ADAM32: variants seen among roughly 807,000 people sequenced by gnomAD.
The protein encoded by ADAM32 is ADAM metallopeptidase domain 32.
ADAM32 carries 89 observed loss-of-function variants against 114.9 expected under a neutral mutation model. That is an observed-to-expected ratio of 0.77 (90% CI 0.65 to 0.92). The LOEUF (loss-of-function observed/expected upper bound fraction) is 0.92, where lower values mean the gene tolerates loss of function less well. ADAM32 is among the 40% of genes least tolerant of loss of function. The pLI, the probability that ADAM32 is intolerant of heterozygous loss-of-function variation, is 0.00. For synonymous variants in ADAM32, 285 were observed against 307.5 expected (o/e 0.93, Z 0.77); for missense variants, 870 against 932.8 (o/e 0.93, Z 0.88).
At chr8:39,229,801 A>G (rs571160397) in intron 14 of ADAM32, among the ~76,000 whole-genome samples, 26 of 152,314 alleles carry the variant, frequency 1.7e-4, no homozygotes, top group African/African-American at 6.0e-4. Flanking sequence ...CGAGACAGAA[A>G]GTCAACAAGC....
chr8:39,241,924 C>T (rs1055653905), intron 16 of ADAM32, among the ~76,000 whole-genome samples: 12 of 152,202 alleles, frequency 7.9e-5, no homozygotes, highest in Admixed American at 3.3e-4. Context: ...TGCAAGTTTT[C>T]CAAACTTTTG....
intron 17 of ADAM32, among the ~76,000 whole-genome samples, chr8:39,249,971 T>C (rs745894672): frequency 2.6e-5 from 4 of 152,276 alleles, no homozygotes; most frequent in Admixed American, 2.0e-4. Context: ...TCTATAGATA[T>C]GGTATTTTCT....
At chr8:39,198,189 T>G (rs925906039) in intron 11 of ADAM32, among the ~76,000 whole-genome samples, 1 of 152,074 alleles carries the variant, frequency 6.6e-6, no homozygotes, top group Non-Finnish European at 1.5e-5. Flanking sequence ...ATTCCTTCAC[T>G]TTTGGTCTAC....
chr8:39,155,335 A>G (rs886577610), intron 6 of ADAM32, among the ~76,000 whole-genome samples: 6 of 152,332 alleles, frequency 3.9e-5, no homozygotes, highest in South Asian at 2.1e-4. Flanking sequence ...ATTTATGGTA[A>G]TCTGTGTCAA....
intron 7 of ADAM32, among the ~76,000 whole-genome samples, chr8:39,162,808 C>T (rs1012579480): frequency 6.6e-6 from 1 of 152,090 alleles, no homozygotes; most frequent in African/African-American, 2.4e-5. Flanking sequence ...CCAGACCAGC[C>T]TGGCCAACAT....
chr8:39,213,686 ACT>A (rs1331399289), intron 12 of ADAM32, among the ~76,000 whole-genome samples: 5 of 152,012 alleles, frequency 3.3e-5, no homozygotes, highest in Non-Finnish European at 7.4e-5. Context: ...ATCCAATTAT[ACT>A]CTTTTACTCA....
At chr8:39,125,180 T>C (rs1802038464) in intron 2 of ADAM32, among the ~76,000 whole-genome samples, 1 of 152,246 alleles carries the variant, frequency 6.6e-6, no homozygotes, top group African/African-American at 2.4e-5. Flanking sequence ...CTTCGCCCAA[T>C]TTTTAATGGA....
intron 18 of ADAM32, 75 bp downstream of exon 18, chr8:39,254,591 T>C: frequency 8.5e-7 from 1 of 1,180,246 alleles, no homozygotes; most frequent in Non-Finnish European, 1.2e-6. Context: ...CAAAGTTCGA[T>C]TTTTCCACTT....
chr8:39,236,320 A>T (rs928146164), intron 16 of ADAM32, among the ~76,000 whole-genome samples: 1 of 152,128 alleles, frequency 6.6e-6, no homozygotes, highest in Admixed American at 6.5e-5. Flanking sequence ...TGTATGTGCA[A>T]TTAATACAAG....
intron 22 of ADAM32, 68 bp downstream of exon 22, chr8:39,275,934 A>G (rs970094365): frequency 5.8e-6 from 8 of 1,371,156 alleles, no homozygotes; most frequent in Non-Finnish European, 7.0e-6. Flanking sequence ...GAACAAATTG[A>G]TAATTAACAA....
chr8:39,166,063 A>C (rs918788254), intron 9 of ADAM32: 1 of 152,062 alleles, frequency 6.6e-6, no homozygotes, highest in East Asian at 1.9e-4. Context: ...TTTTTTCCCC[A>C]TAAGTTATTG....
chr8:39,266,128 T>A (rs535370225), intron 19 of ADAM32, among the ~76,000 whole-genome samples: 1 of 152,198 alleles, frequency 6.6e-6, no homozygotes, highest in Non-Finnish European at 1.5e-5. Flanking sequence ...GAGAATCTGA[T>A]GACTATGTGT....
At chr8:39,115,836 G>T (rs975688949) in intron 1 of ADAM32, among the ~76,000 whole-genome samples, 1 of 152,140 alleles carries the variant, frequency 6.6e-6, no homozygotes. Flanking sequence ...GTCTAGAATG[G>T]CATGTCCTGG....
intron 11 of ADAM32, among the ~76,000 whole-genome samples, chr8:39,190,614 C>T (rs542490485): frequency 4.6e-5 from 7 of 152,264 alleles, no homozygotes; most frequent in East Asian, 3.9e-4. Context: ...TATCTCATGG[C>T]GGTGTTGATT....
chr8:39,165,049 T>G lies in ADAM32; in HGVS notation c.686T>G (p.Val229Gly). Residue 229 changes from valine (V) to glycine (G), a missense_variant, in exon 9 of 25, where the codon GTT becomes GGT. Physicochemically the swap from Val to Gly is moderately radical, Grantham distance 109. Coordinates refer to ENST00000379907, the MANE Select transcript of ADAM32 (RefSeq NM_145004.7). ...LANSMFTQFK[V>G]TIVLSSLELW... ...TTTTAGATGTTCACCCAATTTAAAG[T>G]TACTATTGTGCTGTCATCATTGGAG... The G allele has an allele frequency of 6.2e-7, 1 of 1,600,736 alleles. No homozygotes were observed. The highest frequency in any genetic ancestry group is 1.1e-5 in the South Asian group (1 of 88,578).
At chr8:39,118,672 A>G (rs1360077820) in intron 2 of ADAM32, among the ~76,000 whole-genome samples, 1 of 152,186 alleles carries the variant, frequency 6.6e-6, no homozygotes, top group Non-Finnish European at 1.5e-5. Context: ...GTCTTAGGAG[A>G]TTTAAAAAAA....
At chr8:39,235,310 C>G (rs1200311587) in intron 16 of ADAM32, among the ~76,000 whole-genome samples, 1 of 151,926 alleles carries the variant, frequency 6.6e-6, no homozygotes, top group Non-Finnish European at 1.5e-5. Flanking sequence ...ATTATTAAGC[C>G]TTGGTATCCT....
At chr8:39,163,010 G>GAAAC (rs965387654) in intron 7 of ADAM32, among the ~76,000 whole-genome samples, 3 of 152,160 alleles carry the variant, frequency 2.0e-5, no homozygotes, top group Admixed American at 1.3e-4. Context: ...CAAAAACAAA[G>GAAAC]AAACAAACAA....
At chr8:39,130,459 A>C (rs1037493642) in intron 2 of ADAM32, among the ~76,000 whole-genome samples, 11 of 151,930 alleles carry the variant, frequency 7.2e-5, no homozygotes, top group African/African-American at 2.7e-4. Context: ...TAAATGTCTT[A>C]AGATGGAAAT....
Sources: gnomAD v4.1 joint callset for allele counts (sites outside exome capture counted in the v4.1 genomes callset) on GRCh38, gnomAD v4.1.1 for gene constraint, MANE v1.5 for transcripts, NCBI Gene and HGNC (gene_info 2026-07-23, HGNC 2026-07-21) for gene names.